SLAIN1: variants seen among roughly 807,000 people sequenced by gnomAD.
The protein encoded by SLAIN1 is SLAIN family member 1.
Under a neutral mutation model 55.4 loss-of-function variants are expected in SLAIN1, and 17 were observed. The observed-to-expected ratio is 0.31, with a 90% CI of 0.21 to 0.46. The LOEUF (loss-of-function observed/expected upper bound fraction) is 0.46. Among genes scored for constraint, SLAIN1 ranks in the 20% least tolerant of loss-of-function variants. SLAIN1 has a pLI of 1.00. For missense variants in SLAIN1, 682 were observed against 785.1 expected, an observed-to-expected ratio of 0.87 and a Z score of 1.57; for synonymous variants, 348 against 337.4, an observed-to-expected ratio of 1.03 and a Z score of -0.35.
At chr13:77,750,962 G>T (rs987225040) in intron 4 of SLAIN1, among the ~76,000 whole-genome samples, 1 of 152,034 alleles carries the variant, frequency 6.6e-6, no homozygotes, top group Non-Finnish European at 1.5e-5. Context: ...TTAATCTTCT[G>T]CCTTTTCCAC....
intron 5 of SLAIN1, among the ~76,000 whole-genome samples, chr13:77,760,429 T>C (rs568643095): frequency 6.6e-6 from 1 of 152,362 alleles, no homozygotes; most frequent in Non-Finnish European, 1.5e-5. Context: ...TCTTCTTTTC[T>C]GTAATTACAA....
Position 77,699,069 on chromosome 13 carries a change from C to G in SLAIN1, c.626+530C>G, listed in dbSNP as rs368431833. 3.2e-4 allele frequency: 487 copies of G among 1,529,020 alleles called. 10 individuals are homozygous for G. In the South Asian group the frequency reaches 5.7e-3, roughly 18 times the overall value. The allele number at this position is 1,529,020 out of a possible 1,614,324, so 94.7% of individuals were successfully genotyped here. A position where few individuals can be genotyped will look rare whatever the true frequency, so the allele number is the denominator to read the frequency against. On this transcript the variant is annotated intron_variant, in intron 1 of 6. Transcript: ENST00000418532. ...CTCTTTATAGAGAGGTTCGTTCTTGCTGTTTGAATTTTGCAGTCGTGTGCC... is the reference window on the plus strand; with the variant it reads ...CTCTTTATAGAGAGGTTCGTTCTTGGTGTTTGAATTTTGCAGTCGTGTGCC...
At position 77,698,314 on chromosome 13, in the gene SLAIN1, C is replaced by A; in HGVS notation, c.401C>A (p.Ser134Tyr). ...TTCTGCCTGCCTAGCCCCGCGCCCT[C>A]CCTGCTTTGCAGCCTGGCGCAGCCA... ...GTFCLPSPAP[S>Y]LLCSLAQPPE... Residue 134 changes from serine (S) to tyrosine (Y), a missense_variant, in exon 1 of 7, where the codon TCC (serine) becomes TAC (tyrosine). Transcript: ENST00000418532. The surrounding 1 kb of genome is among the most constrained non-coding windows in gnomAD (Gnocchi z 4.1). 1 of 1,446,848 alleles carries A rather than the reference C, an allele frequency of 6.9e-7. No homozygotes were observed. The allele number at this position is 1,446,848 out of a possible 1,614,324, so 89.6% of individuals were successfully genotyped here.
At position 77,698,675 on chromosome 13, in the gene SLAIN1, C is replaced by A; in HGVS notation, c.626+136C>A. 1 of 1,260,210 alleles carries A rather than the reference C, an allele frequency of 7.9e-7. No individual in the cohort carries two copies. Among genetic ancestry groups the A allele is most frequent in the Admixed American group, 3.7e-5 (1 of 27,354 alleles). The allele number at this position is 1,260,210 out of a possible 1,614,324, so 78.1% of individuals were successfully genotyped here. ...CCCCGCGGCTCCCGGAGGGGCCGAC[C>A]CAGCAGGTGTTGAGCCAGGCGGTGA... is the stretch of plus-strand genomic sequence containing the variant. On this transcript the variant is annotated intron_variant, in intron 1 of 6. Transcript: ENST00000418532. This position sits in a 1 kb window ranked among gnomAD's most constrained non-coding sequence, Gnocchi z 4.1.
At chr13:77,740,297 C>T (rs1873353225) in intron 2 of SLAIN1, among the ~76,000 whole-genome samples, 1 of 151,972 alleles carries the variant, frequency 6.6e-6, no homozygotes, top group African/African-American at 2.4e-5. Context: ...TTGCAGTAAT[C>T]TGGTGAGAGG....
chr13:77,741,141 G>A, intron 2 of SLAIN1: 1 of 985,312 alleles, frequency 1.0e-6, no homozygotes, highest in South Asian at 4.7e-5. Flanking sequence ...GCATCTGTGG[G>A]TGAGAACACG....
chr13:77,754,307 C>A (rs923801462), intron 5 of SLAIN1, among the ~76,000 whole-genome samples: 1 of 152,188 alleles, frequency 6.6e-6, no homozygotes, highest in Non-Finnish European at 1.5e-5. Context: ...TCCTAACAAC[C>A]AAGTGACATC....
rs896219090 is a variant in SLAIN1, at chr13:77,698,612, G to C, written c.626+73G>C. The C allele has an allele frequency of 1.1e-5, 14 of 1,328,944 alleles. No homozygotes were observed. The highest frequency in any genetic ancestry group is 2.1e-5 in the South Asian group (1 of 47,378). 82.3% of individuals were successfully genotyped at this position (1,328,944 alleles called of 1,614,324 possible). ...TCGGGCACCGGGGAGCGGGGGCGGG[G>C]GGCGGACGGGGGTCCCCTCGCGGCA... On this transcript the variant is annotated intron_variant, in intron 1 of 6. Coordinates refer to ENST00000418532, the MANE Select transcript of SLAIN1 (RefSeq NM_001242868.2). This position sits in a 1 kb window ranked among gnomAD's most constrained non-coding sequence, Gnocchi z 4.1.
chr13:77,707,754 C>T (rs1446856670), intron 1 of SLAIN1, among the ~76,000 whole-genome samples: 1 of 152,116 alleles, frequency 6.6e-6, no homozygotes, highest in Non-Finnish European at 1.5e-5. Context: ...AGAAATGGGA[C>T]CAGAATTCTA....
intron 2 of SLAIN1, among the ~76,000 whole-genome samples, chr13:77,734,719 T>G (rs943983172): frequency 1.3e-5 from 2 of 152,166 alleles, no homozygotes; most frequent in Non-Finnish European, 2.9e-5. Flanking sequence ...TAGAACATTT[T>G]CTTTCAGAAT....
chr13:77,744,133 G>A, intron 2 of SLAIN1, 150 bp from the exon 3 acceptor site: 1 of 679,964 alleles, frequency 1.5e-6, no homozygotes, highest in East Asian at 2.7e-5. Flanking sequence ...TACACATGAT[G>A]TGCACGTTGA....
At chr13:77,752,288 CTTTT>C (rs79381085) in intron 4 of SLAIN1, among the ~76,000 whole-genome samples, 7 of 94,208 alleles carry the variant, frequency 7.4e-5, no homozygotes, top group South Asian at 3.4e-4. Context: ...TTCTAGGGTT[CTTTT>C]TTTTTTTTTT....
At chr13:77,716,986 T>C (rs1276547738) in intron 1 of SLAIN1, among the ~76,000 whole-genome samples, 2 of 152,198 alleles carry the variant, frequency 1.3e-5, no homozygotes, top group Non-Finnish European at 2.9e-5. Context: ...TTAACTATGC[T>C]GTTTTTGTAG....
chr13:77,748,956 T>C (rs1019366230), intron 4 of SLAIN1, among the ~76,000 whole-genome samples: 1 of 152,206 alleles, frequency 6.6e-6, no homozygotes, highest in Non-Finnish European at 1.5e-5. Flanking sequence ...GAATGTTACA[T>C]TGCATGTAGC....
chr13:77,722,439 C>G (rs1162828311), intron 2 of SLAIN1, among the ~76,000 whole-genome samples: 1 of 151,960 alleles, frequency 6.6e-6, no homozygotes, highest in East Asian at 1.9e-4. Flanking sequence ...AATTGCTGCC[C>G]CAATCTCTCA....
chr13:77,728,240 A>G (rs2091326013), intron 2 of SLAIN1, among the ~76,000 whole-genome samples: 4 of 152,208 alleles, frequency 2.6e-5, no homozygotes, highest in African/African-American at 9.7e-5. Flanking sequence ...CTCACTTGAT[A>G]TCCTAAATTG....
chr13:77,710,405 CA>C (rs972475058), intron 1 of SLAIN1, among the ~76,000 whole-genome samples: 4 of 147,742 alleles, frequency 2.7e-5, no homozygotes, highest in African/African-American at 7.5e-5. Context: ...AAATGGAAAA[CA>C]AAAAAAAACA....
chr13:77,710,416 A>G (rs903204414), intron 1 of SLAIN1, among the ~76,000 whole-genome samples: 5 of 152,088 alleles, frequency 3.3e-5, no homozygotes, highest in African/African-American at 9.7e-5. Context: ...AAAAAAAAAC[A>G]AAACAAAAAA....
At chr13:77,750,268 T>C (rs1874117301) in intron 4 of SLAIN1, among the ~76,000 whole-genome samples, 1 of 152,164 alleles carries the variant, frequency 6.6e-6, no homozygotes, top group African/African-American at 2.4e-5. Context: ...TTTTTTAACA[T>C]TTCTATATGT....
Sources: gnomAD v4.1 joint callset for allele counts (sites outside exome capture counted in the v4.1 genomes callset) on GRCh38, gnomAD v4.1.1 for gene constraint, Gnocchi (gnomAD v3.1) non-coding constraint, MANE v1.5 for transcripts, NCBI Gene and HGNC (gene_info 2026-07-23, HGNC 2026-07-21) for gene names.